Variants in GREB1L observed in about 807,000 individuals in gnomAD.
GREB1L encodes GREB1-like protein.
Under a neutral mutation model 200.8 loss-of-function variants are expected in GREB1L, and 17 were observed. The observed-to-expected ratio is 0.08, with a 90% CI of 0.06 to 0.13. The LOEUF (loss-of-function observed/expected upper bound fraction) is 0.13. GREB1L is among the 10% of genes least tolerant of loss of function. The probability of loss-of-function intolerance (pLI) is 1.00; values close to 1 mark genes in which losing one functional copy is unlikely to be tolerated. For missense variants in GREB1L, 1,657 were observed against 2,367.7 expected (o/e 0.70, Z 6.23); for synonymous variants, 789 against 893.0 (o/e 0.88, Z 2.08).
chr18:21,405,578 A>G (rs771994399), intron 7 of GREB1L, among the ~76,000 whole-genome samples: 1 of 152,066 alleles, frequency 6.6e-6, no homozygotes. Context: ...GGGTGAGCAG[A>G]TCACTTGAGG....
chr18:21,411,603 G>A (rs2144702558), intron 7 of GREB1L, among the ~76,000 whole-genome samples: 1 of 152,266 alleles, frequency 6.6e-6, no homozygotes, highest in Middle Eastern at 3.4e-3. Context: ...GCAATACATA[G>A]TAAAGTAGAA....
chr18:21,338,390 G>A (rs951347363), intron 1 of GREB1L, among the ~76,000 whole-genome samples: 2 of 152,238 alleles, frequency 1.3e-5, no homozygotes, highest in African/African-American at 2.4e-5. Flanking sequence ...GGGAAAATCA[G>A]TAGTAATTCC....
chr18:21,507,951 T>C (rs568965723), intron 25 of GREB1L, among the ~76,000 whole-genome samples, 167 bp from the exon 26 acceptor site: 1 of 152,246 alleles, frequency 6.6e-6, no homozygotes, highest in South Asian at 2.1e-4. Flanking sequence ...CTAAATGAAG[T>C]GTTTGCCTTA....
chr18:21,468,070 T>C (rs1178874037), intron 15 of GREB1L, among the ~76,000 whole-genome samples: 1 of 145,762 alleles, frequency 6.9e-6, no homozygotes, highest in African/African-American at 2.5e-5. Context: ...AGTGAAAATA[T>C]ACGTGCATGC....
chr18:21,288,245 CAAG>C (rs930839449), intron 1 of GREB1L, among the ~76,000 whole-genome samples: 17 of 151,596 alleles, frequency 1.1e-4, no homozygotes, highest in African/African-American at 3.9e-4. Flanking sequence ...TTTCCCAGAA[CAAG>C]AAGATTATCC....
chr18:21,258,633 A>G (rs548791861), intron 1 of GREB1L, among the ~76,000 whole-genome samples: 3 of 152,304 alleles, frequency 2.0e-5, no homozygotes, highest in South Asian at 2.1e-4. Flanking sequence ...GTTCAGTAGC[A>G]TTATCTTTTA....
chr18:21,334,998 C>T (rs1241765136), intron 1 of GREB1L, among the ~76,000 whole-genome samples: 2 of 152,110 alleles, frequency 1.3e-5, no homozygotes, highest in Admixed American at 1.3e-4. Flanking sequence ...CAATTTATCC[C>T]CCCACTAGCT....
chr18:21,244,664 A>G (rs558537487), intron 1 of GREB1L, among the ~76,000 whole-genome samples: 3 of 152,346 alleles, frequency 2.0e-5, no homozygotes, highest in African/African-American at 7.2e-5. Context: ...TGGTGGATTC[A>G]TGAAGAGGAG....
At chr18:21,377,979 C>G (rs2040145187) in intron 2 of GREB1L, among the ~76,000 whole-genome samples, 1 of 152,206 alleles carries the variant, frequency 6.6e-6, no homozygotes, top group African/African-American at 2.4e-5. Flanking sequence ...AATCCTACCT[C>G]AGCCCCCAAA....
At chr18:21,307,747 T>G (rs1389574058) in intron 1 of GREB1L, among the ~76,000 whole-genome samples, 1 of 152,074 alleles carries the variant, frequency 6.6e-6, no homozygotes, top group Non-Finnish European at 1.5e-5. Context: ...AGCAGGAGAC[T>G]CGGGGGCGGG....
At chr18:21,330,584 A>G (rs763433294) in intron 1 of GREB1L, among the ~76,000 whole-genome samples, 3 of 152,150 alleles carry the variant, frequency 2.0e-5, no homozygotes, top group Non-Finnish European at 2.9e-5. Flanking sequence ...AAACTGACCT[A>G]TACTGCTCTG....
chr18:21,446,890 TCA>T (rs1365031806), intron 11 of GREB1L, among the ~76,000 whole-genome samples: 2 of 152,228 alleles, frequency 1.3e-5, no homozygotes, highest in Non-Finnish European at 2.9e-5. Context: ...CTCAGTCATT[TCA>T]CAGTCAGAAA....
chr18:21,497,470 T>G (rs1157051361), intron 21 of GREB1L, among the ~76,000 whole-genome samples: 1 of 151,796 alleles, frequency 6.6e-6, no homozygotes, highest in African/African-American at 2.4e-5. Flanking sequence ...TGGTGAAACC[T>G]CATCTCTACT....
chr18:21,474,372 C>A (rs1420726516), intron 16 of GREB1L, among the ~76,000 whole-genome samples: 1 of 152,202 alleles, frequency 6.6e-6, no homozygotes, highest in Non-Finnish European at 1.5e-5. Flanking sequence ...CTACTGGCAC[C>A]AGTAGGAACT....
At chr18:21,467,946 A>T in intron 15 of GREB1L, among the ~76,000 whole-genome samples, 1 of 151,402 alleles carries the variant, frequency 6.6e-6, no homozygotes, top group South Asian at 2.1e-4. Context: ...AATGGCATGA[A>T]CCCGGGAGGT....
In GREB1L at chr18:21,368,052, G is replaced by A. The variant is rs568941698; in HGVS notation, c.-10+1916G>A. ...ATCTATACACATATATAGAGAGAAA[G>A]CATATATTACAATGTATATAGTAAG... On this transcript the variant is annotated intron_variant, in intron 2 of 32. Transcript: ENST00000424526. 5.3e-5 allele frequency among the ~76,000 whole-genome samples: 8 copies of A among 152,272 alleles called. 1 individual carries two copies. The South Asian group carries it at 1.7e-3, about 32-fold the overall frequency.
chr18:21,413,083 A>T (rs1031992011), intron 7 of GREB1L, among the ~76,000 whole-genome samples: 1 of 152,136 alleles, frequency 6.6e-6, no homozygotes, highest in Non-Finnish European at 1.5e-5. Flanking sequence ...AACTCTGTAA[A>T]TGTCCAACAC....
chr18:21,442,116 G>A (rs2033933672), intron 10 of GREB1L, among the ~76,000 whole-genome samples: 1 of 152,212 alleles, frequency 6.6e-6, no homozygotes. Flanking sequence ...CTTTGAGGAG[G>A]CTGAGTCCTT....
chr18:21,337,782 C>T (rs927911538), intron 1 of GREB1L, among the ~76,000 whole-genome samples: 6 of 151,816 alleles, frequency 4.0e-5, no homozygotes, highest in African/African-American at 9.7e-5. Flanking sequence ...ATCAGGAGAT[C>T]GAGACCATTC....
Sources: gnomAD v4.1 joint callset for allele counts (sites outside exome capture counted in the v4.1 genomes callset) on GRCh38, gnomAD v4.1.1 for gene constraint, MANE v1.5 for transcripts, NCBI Gene and HGNC (gene_info 2026-07-23, HGNC 2026-07-21) for gene names.